RNF216: variants seen among roughly 807,000 people sequenced by gnomAD.
RNF216 encodes E3 ubiquitin-protein ligase RNF216.
A neutral mutation model predicts 110.8 loss-of-function variants in RNF216; 72 were observed. That is an observed-to-expected ratio of 0.65 (90% CI 0.54 to 0.79). The LOEUF (loss-of-function observed/expected upper bound fraction) is 0.79, where lower values mean the gene tolerates loss of function less well. Ranked by LOEUF, RNF216 falls within the 30% of genes least tolerant of loss-of-function variation. The pLI, the probability that RNF216 is intolerant of heterozygous loss-of-function variation, is 0.00. For synonymous variants in RNF216, 495 were observed against 407.5 expected (o/e 1.21, Z -2.59); for missense variants, 1,342 against 1,141.2 (o/e 1.18, Z -2.54).
chr7:5,756,068 G>T (rs533336313), intron 2 of RNF216, among the ~76,000 whole-genome samples: 1 of 152,256 alleles, frequency 6.6e-6, no homozygotes, highest in South Asian at 2.1e-4. Flanking sequence ...ACAGGTGGAG[G>T]TAATCGGATC....
chr7:5,721,025 CTT>C lies in RNF216; in HGVS notation c.1644+6_1644+7del. On this transcript the variant is annotated splice_donor_region_variant and intron_variant, in intron 9 of 16. Transcript: ENST00000389902. ...AACACACCCCAAGACCAGAGCACAT[CTT>C]CCTACCTCTGCCATCTCTTTGATTT... 4 of 1,614,140 alleles carry C rather than the reference CTT, an allele frequency of 2.5e-6. No individual in the cohort carries two copies. The highest frequency in any genetic ancestry group is 3.4e-6 in the Non-Finnish European group (4 of 1,179,984).
chr7:5,683,187 T>C (rs913717894), intron 13 of RNF216, among the ~76,000 whole-genome samples: 3 of 151,866 alleles, frequency 2.0e-5, no homozygotes, highest in Non-Finnish European at 4.4e-5. Context: ...CAGCATCACA[T>C]GGTAGAAGGA....
At chr7:5,714,903 T>A (rs1295677215) in intron 11 of RNF216, 150 bp downstream of exon 11, 1 of 586,302 alleles carries the variant, frequency 1.7e-6, no homozygotes, top group Non-Finnish European at 2.7e-6. Context: ...AGAACCCACA[T>A]AATCACATAC....
At position 5,726,319 on chromosome 7, in the gene RNF216, A is replaced by T. The variant is rs752633657; in HGVS notation, c.1390-881T>A. 9.9e-5 allele frequency among the ~76,000 whole-genome samples: 15 copies of T among 152,188 alleles called. 1 individual carries two copies. The highest frequency in any genetic ancestry group is 1.6e-4 in the Non-Finnish European group (11 of 68,038). ...AAGCTGTCCTTGAATAAGTACAGGT[A>T]AAATCACATGACAATGGGCTGGTGA... On this transcript the variant is annotated intron_variant, in intron 7 of 16. Transcript: ENST00000389902.
chr7:5,669,174 G>C lies in RNF216; in HGVS notation c.2062-16664C>G, dbSNP rs1032297944. On this transcript the variant is annotated intron_variant, in intron 13 of 16. Coordinates refer to ENST00000389902, the MANE Select transcript of RNF216 (RefSeq NM_207111.4). ...CACCTGCCAGCCTGAGAGGAATATGGGCGGTCGGGCTCCAGCTATACCTAC... is the reference window on the plus strand; with the variant it reads ...CACCTGCCAGCCTGAGAGGAATATGCGCGGTCGGGCTCCAGCTATACCTAC... Among the ~76,000 whole-genome samples, 3 of 152,202 alleles carry C rather than the reference G, an allele frequency of 2.0e-5. No individual in the cohort carries two copies. The East Asian group carries it at 5.8e-4, about 29-fold the overall frequency.
intron 3 of RNF216, among the ~76,000 whole-genome samples, chr7:5,751,841 A>C (rs1259679632): frequency 6.7e-6 from 1 of 150,056 alleles, no homozygotes; most frequent in Non-Finnish European, 1.5e-5. Context: ...AAAAAAAAAA[A>C]AAAAAAAAAA....
intron 13 of RNF216, among the ~76,000 whole-genome samples, chr7:5,676,810 C>T (rs1361326487): frequency 1.3e-5 from 2 of 152,242 alleles, no homozygotes; most frequent in South Asian, 4.1e-4. Context: ...GACTCAGGTT[C>T]CAAGCACTTC....
chr7:5,721,568 T>C (rs1020762966), intron 8 of RNF216, among the ~76,000 whole-genome samples: 8 of 152,234 alleles, frequency 5.3e-5, no homozygotes, highest in Non-Finnish European at 1.0e-4. Flanking sequence ...TGCGAATTGC[T>C]AGATCATGGG....
At chr7:5,627,363 C>T (rs906417555) in intron 15 of RNF216, among the ~76,000 whole-genome samples, 24 of 152,202 alleles carry the variant, frequency 1.6e-4, no homozygotes, top group African/African-American at 5.1e-4. Context: ...AGCCTTGGCC[C>T]TCCTTGTGAG....
rs761607696 is a variant in RNF216 at position 5,634,068 on chromosome 7, C to T, written c.2382+7086G>A. 3.3e-5 allele frequency among the ~76,000 whole-genome samples: 5 copies of T among 152,332 alleles called. 1 individual carries two copies. Among genetic ancestry groups the T allele is most frequent in the Non-Finnish European group, 2.9e-5 (2 of 68,032 alleles). ...TCAGCAGCCACAGGCTGACTGTTCC[C>T]AAAATAACCATTTGAGCGCTTGGCA... On this transcript the variant is annotated intron_variant, in intron 15 of 16. Transcript: ENST00000389902.
At chr7:5,726,694 G>C (rs539718326) in intron 7 of RNF216, among the ~76,000 whole-genome samples, 2 of 151,980 alleles carry the variant, frequency 1.3e-5, no homozygotes, top group East Asian at 1.9e-4. Context: ...CCCGTCTCTA[G>C]TAAAAATACA....
In RNF216 at chr7:5,673,337, G is replaced by C. The variant is rs137964605; in HGVS notation, c.2062-20827C>G. On this transcript the variant is annotated intron_variant, in intron 13 of 16. Coordinates refer to ENST00000389902, the MANE Select transcript of RNF216 (RefSeq NM_207111.4). ...GGAGCTGCTGTTCAAGAACAGGCTCGACAGAATGGAGTGGGCTGGAGATAG... is the reference window on the plus strand; with the variant it reads ...GGAGCTGCTGTTCAAGAACAGGCTCCACAGAATGGAGTGGGCTGGAGATAG... Among the ~76,000 whole-genome samples, 12 of 152,350 alleles carry C rather than the reference G, an allele frequency of 7.9e-5. No individual in the cohort carries two copies. In the East Asian group the frequency reaches 2.3e-3, roughly 29 times the overall value.
At chr7:5,675,525 C>G (rs1562815029) in intron 13 of RNF216, among the ~76,000 whole-genome samples, 1 of 151,976 alleles carries the variant, frequency 6.6e-6, no homozygotes, top group Admixed American at 6.6e-5. Context: ...ACTTACAGTC[C>G]CAGCTACTCA....
At chr7:5,695,643 A>G (rs1238745608) in intron 13 of RNF216, among the ~76,000 whole-genome samples, 1 of 152,230 alleles carries the variant, frequency 6.6e-6, no homozygotes, top group Non-Finnish European at 1.5e-5. Flanking sequence ...GAGAGATGAC[A>G]GAATGGAAAG....
intron 14 of RNF216, among the ~76,000 whole-genome samples, chr7:5,647,029 C>A (rs1194007782): frequency 6.6e-6 from 1 of 152,072 alleles, no homozygotes; most frequent in Admixed American, 6.5e-5. Context: ...TACTCATTGC[C>A]TCAGGCAGCT....
At chr7:5,707,516 G>GT (rs900614998) in intron 13 of RNF216, among the ~76,000 whole-genome samples, 2 of 151,992 alleles carry the variant, frequency 1.3e-5, no homozygotes, top group African/African-American at 2.4e-5. Context: ...ATTCTAACAA[G>GT]TTTTTTTGTG....
rs755477173 is a variant in RNF216, at chr7:5,696,026, G to A, written c.2061+15735C>T. Among the ~76,000 whole-genome samples the A allele has an allele frequency of 1.3e-5, 2 of 152,178 alleles. No individual in the cohort carries two copies. Among genetic ancestry groups the A allele is most frequent in the African/African-American group, 4.8e-5 (2 of 41,432 alleles). ...AAGGGAGGGTACCCCACTTGAAGGA[G>A]GGGCTGTGGCTCTCAGCACAACCCA... On this transcript the variant is annotated intron_variant, in intron 13 of 16. Coordinates refer to ENST00000389902, the MANE Select transcript of RNF216 (RefSeq NM_207111.4). The surrounding 1 kb of genome is among the most constrained non-coding windows in gnomAD (Gnocchi z 5.4).
Position 5,735,462 on chromosome 7 carries a change from T to C in RNF216, c.1121+3814A>G, listed in dbSNP as rs546246624. On this transcript the variant is annotated intron_variant, in intron 5 of 16. Coordinates refer to ENST00000389902, the MANE Select transcript of RNF216 (RefSeq NM_207111.4). ...AGAAATTAAAAAAAGATTAAAAATA[T>C]AGGCAAAGAGCAAAACTCTAGGAAA... Among the ~76,000 whole-genome samples, 13 of 152,180 alleles carry C rather than the reference T, an allele frequency of 8.5e-5. No homozygotes were observed. In the East Asian group the frequency reaches 1.2e-3, roughly 14 times the overall value.
intron 14 of RNF216, among the ~76,000 whole-genome samples, chr7:5,649,399 GAC>G: frequency 6.8e-6 from 1 of 147,178 alleles, no homozygotes; most frequent in African/African-American, 2.5e-5. Context: ...AAAAAAAAAA[GAC>G]AGAAAGAAAG....
Sources: gnomAD v4.1 joint callset for allele counts (sites outside exome capture counted in the v4.1 genomes callset) on GRCh38, gnomAD v4.1.1 for gene constraint, Gnocchi (gnomAD v3.1) non-coding constraint, MANE v1.5 for transcripts, NCBI Gene and HGNC (gene_info 2026-07-23, HGNC 2026-07-21) for gene names.